The following STXBP6 variants were observed in gnomAD, a reference collection of about 807,000 sequenced individuals.
STXBP6 encodes syntaxin-binding protein 6.
Under a neutral mutation model 26.9 loss-of-function variants are expected in STXBP6, and 21 were observed. The observed-to-expected ratio is 0.78, with a 90% CI of 0.55 to 1.12. STXBP6 has a LOEUF of 1.12. Among genes scored for constraint, STXBP6 ranks in the 50% most tolerant of loss-of-function variants. The pLI is 0.00. For synonymous variants in STXBP6, 97 were observed against 92.6 expected (o/e 1.05, Z -0.27); for missense variants, 232 against 257.9 (o/e 0.90, Z 0.69).
chr14:25,049,981 G>A lies in STXBP6; in HGVS notation c.-136C>T. On this transcript the variant is annotated 5_prime_UTR_variant, in exon 1 of 6. Transcript: ENST00000323944. The surrounding 1 kb of genome is among the most constrained non-coding windows in gnomAD (Gnocchi z 5.6). ...GCCCCGCGCGGGGCTCCGGGCTCCG[G>A]ACAAGGCTTAGCCGGCCCGGGTGCT... 1 of 705,146 alleles carries A rather than the reference G, an allele frequency of 1.4e-6. No individual in the cohort carries two copies. The highest frequency in any genetic ancestry group is 1.7e-6 in the Non-Finnish European group (1 of 573,898). 43.7% of individuals were successfully genotyped at this position (705,146 alleles called of 1,614,324 possible). A position where few individuals can be genotyped will look rare whatever the true frequency, so the allele number is the denominator to read the frequency against.
chr14:24,989,402 G>A (rs1045516333), intron 1 of STXBP6, among the ~76,000 whole-genome samples: 5 of 152,192 alleles, frequency 3.3e-5, no homozygotes, highest in South Asian at 4.1e-4. Flanking sequence ...GTAAAGCAGA[G>A]ATCAAGAAAT....
intron 2 of STXBP6, among the ~76,000 whole-genome samples, chr14:24,859,198 G>A (rs1292596189): frequency 2.6e-5 from 4 of 152,130 alleles, no homozygotes. Flanking sequence ...TTCCTCCACA[G>A]TGATCACACT....
At chr14:24,884,859 C>T (rs1339711735) in intron 2 of STXBP6, among the ~76,000 whole-genome samples, 1 of 152,176 alleles carries the variant, frequency 6.6e-6, no homozygotes, top group Non-Finnish European at 1.5e-5. Context: ...CTCACTATGT[C>T]TTGACATGGT....
intron 2 of STXBP6, among the ~76,000 whole-genome samples, chr14:24,891,034 C>G (rs781416495): frequency 1.3e-5 from 2 of 152,170 alleles, no homozygotes; most frequent in Non-Finnish European, 2.9e-5. Flanking sequence ...TTACTTTTTT[C>G]CTGTGTTGAA....
intron 4 of STXBP6, among the ~76,000 whole-genome samples, chr14:24,844,797 G>GA (rs1253235803): frequency 6.6e-6 from 1 of 152,138 alleles, no homozygotes; most frequent in East Asian, 1.9e-4. Flanking sequence ...CAGTGAATGT[G>GA]AACTTGTCTG....
intron 2 of STXBP6, among the ~76,000 whole-genome samples, chr14:24,967,503 G>C (rs556503967): frequency 3.3e-5 from 5 of 152,184 alleles, no homozygotes; most frequent in Non-Finnish European, 7.3e-5. Context: ...AATCAAATGT[G>C]TCTGTGCACA....
chr14:24,820,165 C>T (rs149661072), intron 4 of STXBP6, among the ~76,000 whole-genome samples: 5 of 152,304 alleles, frequency 3.3e-5, no homozygotes, highest in African/African-American at 1.2e-4. Flanking sequence ...TATTTAATGG[C>T]ATTTTATATA....
chr14:25,012,899 T>A (rs1168305192), intron 1 of STXBP6, among the ~76,000 whole-genome samples: 5 of 152,178 alleles, frequency 3.3e-5, no homozygotes, highest in Non-Finnish European at 7.4e-5. Flanking sequence ...GGGATTCCCA[T>A]CGGCCAAAGA....
At chr14:24,994,029 A>G (rs1459010374) in intron 1 of STXBP6, among the ~76,000 whole-genome samples, 1 of 152,062 alleles carries the variant, frequency 6.6e-6, no homozygotes, top group Non-Finnish European at 1.5e-5. Context: ...CTCTGCTTCC[A>G]CTATTTACAT....
In STXBP6 at chr14:24,914,672, C is replaced by G. The variant is rs941905318; in HGVS notation, c.155-57515G>C. On this transcript the variant is annotated intron_variant, in intron 2 of 5. Transcript: ENST00000323944. ...CCTGTTACAGCTGTCTATTTTTTCC[C>G]TAAGCTATCCGTTGTCATGAAGACT... Among the ~76,000 whole-genome samples, 7 of 152,154 alleles carry G rather than the reference C, an allele frequency of 4.6e-5. 2 individuals carry two copies. Among genetic ancestry groups the G allele is most frequent in the Admixed American group, 3.9e-4 (6 of 15,266 alleles).
chr14:24,891,979 C>T (rs1358419153), intron 2 of STXBP6, among the ~76,000 whole-genome samples: 4 of 152,226 alleles, frequency 2.6e-5, no homozygotes, highest in Admixed American at 2.6e-4. Flanking sequence ...AGCCTTCCTA[C>T]AACTGGACCA....
chr14:24,855,619 A>C (rs2069301260), intron 4 of STXBP6, among the ~76,000 whole-genome samples: 1 of 152,144 alleles, frequency 6.6e-6, no homozygotes. Flanking sequence ...AAGGTAGTAA[A>C]GAAACCAAAA....
At chr14:24,824,400 T>C (rs1266417710) in intron 4 of STXBP6, among the ~76,000 whole-genome samples, 1 of 152,178 alleles carries the variant, frequency 6.6e-6, no homozygotes, top group Non-Finnish European at 1.5e-5. Context: ...ATTTTATAGA[T>C]GAATAATAAT....
At chr14:24,907,696 C>T (rs1169027337) in intron 2 of STXBP6, among the ~76,000 whole-genome samples, 2 of 152,068 alleles carry the variant, frequency 1.3e-5, no homozygotes, top group African/African-American at 2.4e-5. Context: ...AGTAGTTACA[C>T]TGAATTCTAC....
intron 1 of STXBP6, among the ~76,000 whole-genome samples, chr14:24,976,952 T>C (rs1055573868): frequency 1.4e-5 from 2 of 144,412 alleles, no homozygotes; most frequent in Admixed American, 7.2e-5. Flanking sequence ...AACCTCCACT[T>C]CTCCGGTTCA....
At chr14:25,039,231 TA>T (rs780274501) in intron 1 of STXBP6, among the ~76,000 whole-genome samples, 135 of 152,062 alleles carry the variant, frequency 8.9e-4, no homozygotes, top group Non-Finnish European at 1.2e-3. Flanking sequence ...AAGTATAAAT[TA>T]GGGGGTTAAT....
chr14:24,850,012 A>G (rs1053272251), intron 4 of STXBP6, among the ~76,000 whole-genome samples: 1 of 152,146 alleles, frequency 6.6e-6, no homozygotes, highest in African/African-American at 2.4e-5. Flanking sequence ...GAGTTAAAAC[A>G]GAAGGAAAAA....
chr14:24,977,020 G>A (rs891144329), intron 1 of STXBP6, among the ~76,000 whole-genome samples: 8 of 151,504 alleles, frequency 5.3e-5, no homozygotes, highest in Admixed American at 2.6e-4. Context: ...CTACCACCAC[G>A]CCCAGCTAAT....
intron 5 of STXBP6, among the ~76,000 whole-genome samples, chr14:24,814,076 C>T (rs779792699): frequency 7.2e-5 from 11 of 152,290 alleles, no homozygotes; most frequent in Admixed American, 1.3e-4. Context: ...GCAATGCTAA[C>T]GCCAATAGTC....
Sources: gnomAD v4.1 joint callset for allele counts (sites outside exome capture counted in the v4.1 genomes callset) on GRCh38, gnomAD v4.1.1 for gene constraint, Gnocchi (gnomAD v3.1) non-coding constraint, MANE v1.5 for transcripts, NCBI Gene and HGNC (gene_info 2026-07-23, HGNC 2026-07-21) for gene names.